CSTA: variants seen among roughly 807,000 people sequenced by gnomAD.
The protein encoded by CSTA is cystatin-A.
Under a neutral mutation model 9.2 loss-of-function variants are expected in CSTA, and 9 were observed. That is an observed-to-expected ratio of 0.97 (90% CI 0.59 to 1.70). The LOEUF is 1.70. Among genes scored for constraint, CSTA ranks in the 40% most tolerant of loss-of-function variants. The pLI is 0.00. For synonymous variants in CSTA, 36 were observed against 40.6 expected (o/e 0.89, Z 0.43); for missense variants, 118 against 113.1 (o/e 1.04, Z -0.20).
At chr3:122,335,494 A>C (rs1288122982) in intron 1 of CSTA, among the ~76,000 whole-genome samples, 2 of 152,224 alleles carry the variant, frequency 1.3e-5, no homozygotes, top group Non-Finnish European at 2.9e-5. Flanking sequence ...TAGAACTGAG[A>C]AAATAGGCGA....
intron 1 of CSTA, among the ~76,000 whole-genome samples, chr3:122,336,889 CATTTAACAG>C (rs2075239671): frequency 6.6e-6 from 1 of 152,100 alleles, no homozygotes; most frequent in African/African-American, 2.4e-5. Context: ...GACATTCTAC[CATTTAACAG>C]GCCAGTATTC....
chr3:122,333,583 G>GAAAC (rs1273989477), intron 1 of CSTA, among the ~76,000 whole-genome samples: 1 of 116,702 alleles, frequency 8.6e-6, no homozygotes, highest in African/African-American at 3.5e-5. Context: ...AAGAAAGAAA[G>GAAAC]AAAGAAAGAA....
At chr3:122,328,535 G>A (rs1303669806) in intron 1 of CSTA, among the ~76,000 whole-genome samples, 2 of 142,416 alleles carry the variant, frequency 1.4e-5, no homozygotes, top group African/African-American at 2.6e-5. Flanking sequence ...ACCTAGTTAA[G>A]AAGTTAGCTC....
Position 122,337,600 on chromosome 3 carries a change from T to C in CSTA, c.120T>C (p.Ala40=), listed in dbSNP as rs34145621. ...KTNETYGKLE[A]VQYKTQVVAG... ...ATGAGACTTACGGAAAATTGGAAGC[T>C]GTGCAGTATAAAACTCAAGTTGTTG... The change falls in exon 2 of 3, where the codon GCT becomes GCC. Residue 40 remains alanine, a synonymous_variant. Coordinates refer to ENST00000264474, the MANE Select transcript of CSTA (RefSeq NM_005213.4). 3.1e-6 allele frequency: 5 copies of C among 1,613,526 alleles called. No individual in the cohort carries two copies. Among genetic ancestry groups the C allele is most frequent in the Non-Finnish European group, 4.2e-6 (5 of 1,179,612 alleles).
intron 1 of CSTA, among the ~76,000 whole-genome samples, chr3:122,332,157 A>T (rs2075208892): frequency 6.6e-6 from 1 of 152,128 alleles, no homozygotes; most frequent in African/African-American, 2.4e-5. Flanking sequence ...GGGGTTGGGA[A>T]CACCTGTCTT....
chr3:122,336,459 G>A (rs2075238002), intron 1 of CSTA, among the ~76,000 whole-genome samples: 1 of 152,270 alleles, frequency 6.6e-6, no homozygotes, highest in Non-Finnish European at 1.5e-5. Flanking sequence ...ATATCCATGA[G>A]TCATATTAAT....
chr3:122,329,510 G>A (rs1403318381), intron 1 of CSTA, among the ~76,000 whole-genome samples: 1 of 152,114 alleles, frequency 6.6e-6, no homozygotes, highest in African/African-American at 2.4e-5. Flanking sequence ...AGGATGCAGT[G>A]AGCCATGATC....
intron 1 of CSTA, among the ~76,000 whole-genome samples, chr3:122,336,006 CAT>C (rs2075235319): frequency 6.6e-6 from 1 of 151,520 alleles, no homozygotes; most frequent in Non-Finnish European, 1.5e-5. Flanking sequence ...CGTACACACA[CAT>C]ATATAATGTA....
chr3:122,328,714 T>C (rs2075184658), intron 1 of CSTA, among the ~76,000 whole-genome samples: 1 of 151,590 alleles, frequency 6.6e-6, no homozygotes, highest in Non-Finnish European at 1.5e-5. Flanking sequence ...GGCAGGCGGA[T>C]CACCTGAGGT....
chr3:122,326,821 G>T (rs765353004), intron 1 of CSTA, among the ~76,000 whole-genome samples: 1 of 152,224 alleles, frequency 6.6e-6, no homozygotes, highest in Non-Finnish European at 1.5e-5. Context: ...CCTGGGGTAG[G>T]TCTGAGATTC....
chr3:122,337,993 A>G (rs1182671684), intron 2 of CSTA: 1 of 232,980 alleles, frequency 4.3e-6, no homozygotes, highest in East Asian at 1.1e-4. Context: ...GGGCTGGACC[A>G]CATGGTATCT....
At chr3:122,326,559 A>G (rs1304638588) in intron 1 of CSTA, among the ~76,000 whole-genome samples, 2 of 152,226 alleles carry the variant, frequency 1.3e-5, no homozygotes, top group East Asian at 1.9e-4. Flanking sequence ...GGGATCCTGT[A>G]TATTCTGGGA....
At chr3:122,333,628 GA>G (rs1161163213) in intron 1 of CSTA, among the ~76,000 whole-genome samples, 5 of 145,688 alleles carry the variant, frequency 3.4e-5, no homozygotes, top group Admixed American at 7.0e-5. Flanking sequence ...AAAAGGAAAG[GA>G]AAGGAAGGAA....
At position 122,341,576 on chromosome 3, in the gene CSTA, A is replaced by G. The variant is rs752425270; in HGVS notation, c.*9A>G. 1.9e-6 allele frequency: 3 copies of G among 1,614,042 alleles called. No individual in the cohort carries two copies. The highest frequency in any genetic ancestry group is 1.3e-5 in the African/African-American group (1 of 74,948). On this transcript the variant is annotated 3_prime_UTR_variant, in exon 3 of 3. Coordinates refer to ENST00000264474, the MANE Select transcript of CSTA (RefSeq NM_005213.4). ...AGCTGACGGGCTTTTAGCAGCATGTACCCAAAGTGTTCTGATTCCTTCAAC... is the reference window on the plus strand; with the variant it reads ...AGCTGACGGGCTTTTAGCAGCATGTGCCCAAAGTGTTCTGATTCCTTCAAC...
At chr3:122,329,617 C>T (rs1367359427) in intron 1 of CSTA, among the ~76,000 whole-genome samples, 2 of 152,112 alleles carry the variant, frequency 1.3e-5, no homozygotes, top group East Asian at 3.9e-4. Flanking sequence ...TGAATCATTT[C>T]ATAGTAGGTG....
chr3:122,338,897 T>G (rs1460356032), intron 2 of CSTA, among the ~76,000 whole-genome samples: 2 of 152,188 alleles, frequency 1.3e-5, no homozygotes, highest in Admixed American at 6.5e-5. Context: ...TGCTTGAAAA[T>G]TTGTTCCCTT....
chr3:122,333,629 AAAGG>A (rs1356342386), intron 1 of CSTA, among the ~76,000 whole-genome samples: 2 of 151,020 alleles, frequency 1.3e-5, no homozygotes, highest in African/African-American at 4.9e-5. Flanking sequence ...AAAGGAAAGG[AAAGG>A]AAGGAAGGAA....
intron 2 of CSTA, among the ~76,000 whole-genome samples, chr3:122,340,601 G>A (rs562848173): frequency 2.0e-5 from 3 of 152,210 alleles, no homozygotes; most frequent in African/African-American, 7.2e-5. Context: ...ACAGTGCCCG[G>A]CTGGCCCCTT....
intron 1 of CSTA, among the ~76,000 whole-genome samples, chr3:122,335,474 A>G (rs2107667634): frequency 6.6e-6 from 1 of 152,312 alleles, no homozygotes; most frequent in Middle Eastern, 3.4e-3. Flanking sequence ...AAATTATTTT[A>G]TGTATATGCT....
Sources: gnomAD v4.1 joint callset for allele counts (sites outside exome capture counted in the v4.1 genomes callset) on GRCh38, gnomAD v4.1.1 for gene constraint, MANE v1.5 for transcripts, NCBI Gene and HGNC (gene_info 2026-07-23, HGNC 2026-07-21) for gene names.